Variants in SPAG16 observed in about 807,000 individuals in gnomAD.
SPAG16 encodes the protein sperm associated antigen 16.
SPAG16 carries 86 observed loss-of-function variants against 80.4 expected under a neutral mutation model. That is an observed-to-expected ratio of 1.07 (90% CI 0.90 to 1.28). The LOEUF (loss-of-function observed/expected upper bound fraction) is 1.28. SPAG16 is among the 50% of genes most tolerant of loss of function. SPAG16 has a pLI of 0.00. For synonymous variants in SPAG16, 294 were observed against 265.9 expected (o/e 1.11, Z -1.03); for missense variants, 870 against 765.3 (o/e 1.14, Z -1.61).
At position 213,810,265 on chromosome 2, in the gene SPAG16, C is replaced by G. The variant is rs115948367; in HGVS notation, c.1071-52220C>G. On this transcript the variant is annotated intron_variant, in intron 10 of 15. Coordinates refer to ENST00000331683, the MANE Select transcript of SPAG16 (RefSeq NM_024532.5). ...GGACATTAAGAAGGTCCAGGATTTT[C>G]TGGTTTAAGAGTATTGGATAATTCA... Among the ~76,000 whole-genome samples, 1,276 of 152,226 alleles carry G rather than the reference C, an allele frequency of 8.4e-3. 15 individuals carry two copies. Among genetic ancestry groups the G allele is most frequent in the Non-Finnish European group, 8.5e-3 (579 of 68,018 alleles).
At chr2:213,667,178 T>G (rs1345684610) in intron 10 of SPAG16, among the ~76,000 whole-genome samples, 3 of 152,230 alleles carry the variant, frequency 2.0e-5, no homozygotes, top group African/African-American at 7.2e-5. Flanking sequence ...ATAATATTGT[T>G]TGTATCAGTC....
At chr2:213,408,046 A>C (rs1246444703) in intron 9 of SPAG16, among the ~76,000 whole-genome samples, 1 of 151,288 alleles carries the variant, frequency 6.6e-6, no homozygotes, top group Non-Finnish European at 1.5e-5. Context: ...GCAGAGAGAG[A>C]CAGGCAGAGA....
chr2:214,127,748 C>T (rs1559825014), intron 14 of SPAG16, among the ~76,000 whole-genome samples: 1 of 151,882 alleles, frequency 6.6e-6, no homozygotes, highest in Non-Finnish European at 1.5e-5. Context: ...CCTCACCACA[C>T]ACCCTCACCC....
intron 10 of SPAG16, among the ~76,000 whole-genome samples, chr2:213,542,809 T>A (rs2125920261): frequency 6.6e-6 from 1 of 152,272 alleles, no homozygotes; most frequent in East Asian, 1.9e-4. Flanking sequence ...TTTCTTGTTT[T>A]ACTTGAATTG....
chr2:213,818,830 G>GCT (rs2072743428), intron 10 of SPAG16, among the ~76,000 whole-genome samples: 1 of 151,902 alleles, frequency 6.6e-6, no homozygotes, highest in Non-Finnish European at 1.5e-5. Flanking sequence ...TTTCCCCTGT[G>GCT]CTCTCTCTCT....
chr2:214,346,289 A>G (rs1185218761), intron 15 of SPAG16, among the ~76,000 whole-genome samples: 1 of 152,226 alleles, frequency 6.6e-6, no homozygotes, highest in Admixed American at 6.5e-5. Context: ...AGTGTGTTGT[A>G]GCATTTTATT....
intron 10 of SPAG16, among the ~76,000 whole-genome samples, chr2:213,525,215 G>C (rs1183964293): frequency 6.6e-6 from 1 of 151,654 alleles, no homozygotes; most frequent in Non-Finnish European, 1.5e-5. Context: ...CTTTTGACCA[G>C]GTATGTAAGT....
At chr2:214,367,499 G>A (rs1699549452) in intron 15 of SPAG16, among the ~76,000 whole-genome samples, 1 of 152,078 alleles carries the variant, frequency 6.6e-6, no homozygotes, top group Non-Finnish European at 1.5e-5. Flanking sequence ...TGACATTTTA[G>A]TACTTATGAT....
chr2:213,570,140 G>T (rs996436486), intron 10 of SPAG16, among the ~76,000 whole-genome samples: 2 of 60,570 alleles, frequency 3.3e-5, no homozygotes, highest in Non-Finnish European at 6.0e-5. Flanking sequence ...TTCTTTATTA[G>T]TCTTGCTAGC....
intron 9 of SPAG16, among the ~76,000 whole-genome samples, chr2:213,431,116 A>G (rs139423585): frequency 4.6e-5 from 7 of 152,312 alleles, no homozygotes; most frequent in Middle Eastern, 3.4e-3. Context: ...ATTAAAACAC[A>G]TTAAAGGATA....
intron 5 of SPAG16, among the ~76,000 whole-genome samples, chr2:213,321,915 G>C (rs1199655977): frequency 6.6e-6 from 1 of 152,046 alleles, no homozygotes; most frequent in Non-Finnish European, 1.5e-5. Context: ...CTATTGAAAT[G>C]TAGACCAATT....
At chr2:213,453,425 A>C (rs1039020441) in intron 9 of SPAG16, among the ~76,000 whole-genome samples, 3 of 152,226 alleles carry the variant, frequency 2.0e-5, no homozygotes, top group Non-Finnish European at 4.4e-5. Context: ...AATAAATTAC[A>C]CTGGATGTTC....
At chr2:213,742,018 A>G (rs908657282) in intron 10 of SPAG16, among the ~76,000 whole-genome samples, 3 of 151,732 alleles carry the variant, frequency 2.0e-5, no homozygotes, top group African/African-American at 4.8e-5. Context: ...TTGTTTTTTT[A>G]ATCTAGTTCT....
At chr2:214,089,102 G>A (rs993907507) in intron 13 of SPAG16, among the ~76,000 whole-genome samples, 2 of 151,852 alleles carry the variant, frequency 1.3e-5, no homozygotes, top group South Asian at 2.1e-4. Context: ...CAAACACTTC[G>A]ACTGTAGAGT....
chr2:213,349,282 CA>C (rs1177720746), intron 6 of SPAG16, among the ~76,000 whole-genome samples: 4 of 151,862 alleles, frequency 2.6e-5, no homozygotes, highest in Admixed American at 2.0e-4. Flanking sequence ...TTAAAAAGAG[CA>C]AATTACAACC....
At chr2:213,704,179 A>G (rs2125337065) in intron 10 of SPAG16, among the ~76,000 whole-genome samples, 1 of 152,318 alleles carries the variant, frequency 6.6e-6, no homozygotes, top group East Asian at 1.9e-4. Flanking sequence ...ACAATATAAC[A>G]TACATCCTTA....
chr2:213,353,373 C>T (rs533805717), intron 7 of SPAG16, among the ~76,000 whole-genome samples: 4 of 152,158 alleles, frequency 2.6e-5, no homozygotes, highest in Non-Finnish European at 5.9e-5. Context: ...ATTGGAAATA[C>T]AAGCCATGAG....
At chr2:214,078,525 G>A (rs918026268) in intron 13 of SPAG16, among the ~76,000 whole-genome samples, 219 of 127,552 alleles carry the variant, frequency 1.7e-3, no homozygotes, top group African/African-American at 6.0e-3. Flanking sequence ...CACTGTAAGA[G>A]CCTGTCTCAA....
At chr2:214,210,865 G>T (rs1192397092) in intron 15 of SPAG16, among the ~76,000 whole-genome samples, 1 of 151,854 alleles carries the variant, frequency 6.6e-6, no homozygotes, top group Non-Finnish European at 1.5e-5. Flanking sequence ...ACATATTTGT[G>T]TGTGTACTTA....
Sources: gnomAD v4.1 joint callset for allele counts (sites outside exome capture counted in the v4.1 genomes callset) on GRCh38, gnomAD v4.1.1 for gene constraint, MANE v1.5 for transcripts, NCBI Gene and HGNC (gene_info 2026-07-23, HGNC 2026-07-21) for gene names.